The following RBPJ variants were observed in gnomAD, a reference collection of about 807,000 sequenced individuals.
RBPJ encodes the protein recombination signal binding protein for immunoglobulin kappa J region, also known as recombining binding protein suppressor of hairless.
In RBPJ, 9 loss-of-function variants were observed where a neutral mutation model predicts 67.8. The ratio of observed to expected loss-of-function variants is 0.13; its 90% CI spans 0.08 to 0.23. The LOEUF (loss-of-function observed/expected upper bound fraction) is 0.23, where lower values mean the gene tolerates loss of function less well. Ranked by LOEUF, RBPJ falls within the 10% of genes least tolerant of loss-of-function variation. RBPJ has a pLI of 1.00. For missense variants in RBPJ, 305 were observed against 595.6 expected, an observed-to-expected ratio of 0.51 and a Z score of 5.08; for synonymous variants, 198 against 203.3, an observed-to-expected ratio of 0.97 and a Z score of 0.22.
chr4:26,305,357 A>C (rs1338505663), intron 1 of RBPJ, among the ~76,000 whole-genome samples: 2 of 152,232 alleles, frequency 1.3e-5, no homozygotes, highest in East Asian at 1.9e-4. Flanking sequence ...GTTTCTACAA[A>C]GTGGCCAACT....
chr4:26,272,074 G>A (rs989561889), intron 1 of RBPJ, among the ~76,000 whole-genome samples: 3 of 152,024 alleles, frequency 2.0e-5, no homozygotes, highest in African/African-American at 7.3e-5. Flanking sequence ...GGGAATATTA[G>A]GTATAAGAAT....
intron 1 of RBPJ, among the ~76,000 whole-genome samples, chr4:26,308,354 A>T (rs953838877): frequency 4.6e-5 from 7 of 152,242 alleles, no homozygotes; most frequent in Non-Finnish European, 1.0e-4. Context: ...CTTTTCAGAC[A>T]GACCTATTGT....
At position 26,367,006 on chromosome 4, in the gene RBPJ, C is replaced by T. The variant is rs191062703; in HGVS notation, c.21-19347C>T. ...AGGCATGGTGGCAGGCGCCTGTAAT[C>T]CCAGCTACTCGGGAGGCTGAGGCAG... On this transcript the variant is annotated intron_variant, in intron 1 of 10. Coordinates refer to ENST00000355476, the MANE Select transcript of RBPJ (RefSeq NM_015874.6). Among the ~76,000 whole-genome samples, 3 of 151,922 alleles carry T rather than the reference C, an allele frequency of 2.0e-5. No homozygotes were observed. The South Asian group carries it at 6.3e-4, about 32-fold the overall frequency.
Position 26,430,679 on chromosome 4 carries a change from A to G in RBPJ, c.1149-13A>G, listed in dbSNP as rs200933012. The G allele has an allele frequency of 6.8e-6, 11 of 1,610,136 alleles. No homozygotes were observed. Among genetic ancestry groups the G allele is most frequent in the African/African-American group, 1.3e-5 (1 of 74,812 alleles). On this transcript the variant is annotated splice_polypyrimidine_tract_variant and intron_variant, in intron 10 of 10. Coordinates refer to ENST00000355476, the MANE Select transcript of RBPJ (RefSeq NM_015874.6). This position sits in a 1 kb window ranked among gnomAD's most constrained non-coding sequence, Gnocchi z 4.1. ...TTTAAAGTGTTTTTAAGTGATTTCT[A>G]TTTCCTCCTCAGGTGTGGAGAGAGT...
intron 2 of RBPJ, among the ~76,000 whole-genome samples, chr4:26,398,137 A>C (rs942653602): frequency 6.6e-6 from 1 of 152,112 alleles, no homozygotes; most frequent in East Asian, 1.9e-4. Context: ...AAGTTTCTTC[A>C]TTAGAAGACA....
intron 1 of RBPJ, among the ~76,000 whole-genome samples, chr4:26,189,000 A>AAGAT (rs1717379457): frequency 1.3e-5 from 2 of 152,328 alleles, no homozygotes; most frequent in Admixed American, 6.5e-5. Flanking sequence ...GATAGAAGGC[A>AAGAT]AGATAGTCTT....
At chr4:26,386,473 G>T in intron 2 of RBPJ, 82 bp downstream of exon 2, 2 of 916,748 alleles carry the variant, frequency 2.2e-6, no homozygotes, top group South Asian at 1.7e-5. Context: ...ATATTAATAG[G>T]TACCCTTAAA....
intron 1 of RBPJ, among the ~76,000 whole-genome samples, chr4:26,238,947 G>A (rs1188288825): frequency 6.6e-6 from 1 of 152,088 alleles, no homozygotes; most frequent in African/African-American, 2.4e-5. Flanking sequence ...GGCACCCAGG[G>A]AGAGCAGACG....
At chr4:26,184,145 G>A (rs181936152) in intron 1 of RBPJ, among the ~76,000 whole-genome samples, 130 of 148,624 alleles carry the variant, frequency 8.7e-4, no homozygotes, top group African/African-American at 3.1e-3. Flanking sequence ...TGGCACCACA[G>A]CACTCCAGCC....
chr4:26,198,879 C>A (rs1250302624), intron 1 of RBPJ, among the ~76,000 whole-genome samples: 1 of 152,152 alleles, frequency 6.6e-6, no homozygotes, highest in African/African-American at 2.4e-5. Context: ...AGGATCATAA[C>A]CACAGCCTGT....
rs902691930 is a variant in RBPJ at position 26,362,419 on chromosome 4, G to T, written c.21-23934G>T. The T allele has an allele frequency of 1.2e-5, 16 of 1,366,408 alleles. No individual in the cohort carries two copies. In the Admixed American group the frequency reaches 1.9e-4, roughly 16 times the overall value. The allele number at this position is 1,366,408 out of a possible 1,614,324, so 84.6% of individuals were successfully genotyped here. ...GCAGTTTAACATACCAACACTTAAG[G>T]CCTTATTTTTTGTTTTTGTTTTTAA... On this transcript the variant is annotated intron_variant, in intron 1 of 10. Coordinates refer to ENST00000355476, the MANE Select transcript of RBPJ (RefSeq NM_015874.6).
intron 1 of RBPJ, among the ~76,000 whole-genome samples, chr4:26,336,774 G>A (rs1724878906): frequency 6.6e-6 from 1 of 151,510 alleles, no homozygotes; most frequent in South Asian, 2.1e-4. Flanking sequence ...TTTTTCTCCT[G>A]ATAACAAAAA....
intron 1 of RBPJ, among the ~76,000 whole-genome samples, chr4:26,216,317 C>A (rs1227955835): frequency 6.6e-6 from 1 of 152,142 alleles, no homozygotes; most frequent in South Asian, 2.1e-4. Context: ...AGGGGGCCAC[C>A]ATTCCACCCA....
At position 26,362,750 on chromosome 4, in the gene RBPJ, A is replaced by G. The variant is rs1728208940; in HGVS notation, c.21-23603A>G. On this transcript the variant is annotated intron_variant, in intron 1 of 10. Coordinates refer to ENST00000355476, the MANE Select transcript of RBPJ (RefSeq NM_015874.6). ...TTTAGTTATTACATATTTAAGTTAT[A>G]TAACTTTTGATTATAGATGTGGTTA... The G allele has an allele frequency of 6.6e-6, 5 of 754,700 alleles. No homozygotes were observed. In the Admixed American group the frequency reaches 1.2e-4, roughly 18 times the overall value. 46.8% of individuals were successfully genotyped at this position (754,700 alleles called of 1,614,324 possible).
upstream of RBPJ, chr4:26,320,838 G>T (rs1405551815): frequency 4.5e-6 from 7 of 1,565,176 alleles, no homozygotes; most frequent in South Asian, 4.7e-5. Context: ...GGAAGGCAGC[G>T]AGCAGGATCC....
At chr4:26,124,477 C>T in the RBPJ span, among the ~76,000 whole-genome samples, 1 of 115,018 alleles carries the variant, frequency 8.7e-6, no homozygotes, top group Non-Finnish European at 1.7e-5. Flanking sequence ...TTTCTTTATC[C>T]ACTCGTTGAT....
In RBPJ at chr4:26,232,052, C is replaced by T. The variant is rs1030702409; in HGVS notation, c.-167+68438C>T. The stretch of plus-strand genomic sequence containing the variant: ...GACTACAGGCATGCATCACCATGCT[C>T]GGCCAATTTTTTTTTGTATTTTTAG... On this transcript the variant is annotated intron_variant, in intron 1 of 4. Transcript: ENST00000512351. Among the ~76,000 whole-genome samples the T allele has an allele frequency of 2.6e-5, 4 of 151,018 alleles. No homozygotes were observed. The East Asian group carries it at 5.9e-4, about 22-fold the overall frequency.
At chr4:26,119,051 A>C in the RBPJ span, among the ~76,000 whole-genome samples, 1 of 152,210 alleles carries the variant, frequency 6.6e-6, no homozygotes, top group Non-Finnish European at 1.5e-5. Flanking sequence ...AGGGTATTGC[A>C]TTGATCCGGG....
At chr4:26,210,727 C>CCTTCTTTCCTTCCTTCTTTA (rs55806116) in intron 1 of RBPJ, among the ~76,000 whole-genome samples, 44 of 61,848 alleles carry the variant, frequency 7.1e-4, no homozygotes, top group Non-Finnish European at 9.3e-4. Context: ...TTCTTTCTTT[C>CCTTCTTTCCTTCCTTCTTTA]CTTCTTTACT....
Sources: gnomAD v4.1 joint callset for allele counts (sites outside exome capture counted in the v4.1 genomes callset) on GRCh38, gnomAD v4.1.1 for gene constraint, Gnocchi (gnomAD v3.1) non-coding constraint, MANE v1.5 for transcripts, NCBI Gene and HGNC (gene_info 2026-07-23, HGNC 2026-07-21) for gene names.